CSMD1: variants seen among roughly 807,000 people sequenced by gnomAD.
The protein encoded by CSMD1 is CUB and sushi domain-containing protein 1.
CSMD1 carries 213 observed loss-of-function variants against 417.5 expected under a neutral mutation model. The observed-to-expected ratio is 0.51, with a 90% CI of 0.46 to 0.57. CSMD1 has a LOEUF of 0.57. CSMD1 is among the 20% of genes least tolerant of loss of function. The pLI is 0.00. For synonymous variants in CSMD1, 2,862 were observed against 1,736.8 expected (o/e 1.65, Z -16.11); for missense variants, 6,923 against 4,529.7 (o/e 1.53, Z -15.17).
chr8:3,441,113 G>C (rs1218587903), intron 12 of CSMD1, among the ~76,000 whole-genome samples: 2 of 152,140 alleles, frequency 1.3e-5, no homozygotes, highest in Non-Finnish European at 2.9e-5. Context: ...GACAGAGGTA[G>C]GAGTTCCAGC....
intron 5 of CSMD1, among the ~76,000 whole-genome samples, chr8:3,919,213 A>C (rs1352358654): frequency 6.8e-6 from 1 of 147,818 alleles, no homozygotes; most frequent in African/African-American, 2.5e-5. Flanking sequence ...AAAAAAAAGA[A>C]AGAAATCATT....
At chr8:4,083,248 T>C (rs1337355460) in intron 3 of CSMD1, among the ~76,000 whole-genome samples, 3 of 152,130 alleles carry the variant, frequency 2.0e-5, no homozygotes, top group Non-Finnish European at 4.4e-5. Context: ...AAAAGTGTTC[T>C]TATTTCTCCA....
chr8:4,004,160 A>G (rs1238988721), intron 4 of CSMD1, among the ~76,000 whole-genome samples: 2 of 152,098 alleles, frequency 1.3e-5, no homozygotes, highest in African/African-American at 4.8e-5. Context: ...AAATATAAAC[A>G]TTTTAATATA....
intron 2 of CSMD1, among the ~76,000 whole-genome samples, chr8:4,457,123 A>G (rs1366428154): frequency 6.6e-6 from 1 of 152,110 alleles, no homozygotes. Flanking sequence ...TCTTACTGTG[A>G]AAGAGTTATT....
intron 19 of CSMD1, among the ~76,000 whole-genome samples, chr8:3,368,018 T>C (rs1163841884): frequency 1.3e-5 from 2 of 152,212 alleles, no homozygotes; most frequent in African/African-American, 4.8e-5. Context: ...CCGTAAAGCA[T>C]ATGACCTCAT....
chr8:3,444,104 A>G (rs1164981061), intron 12 of CSMD1, among the ~76,000 whole-genome samples: 3 of 152,024 alleles, frequency 2.0e-5, no homozygotes, highest in Non-Finnish European at 2.9e-5. Context: ...CTCACTCCCT[A>G]TCGAGTGAAA....
Position 3,868,367 on chromosome 8 carries a change from G to C in CSMD1, c.819-114325C>G, listed in dbSNP as rs1470982053. 2.6e-5 allele frequency among the ~76,000 whole-genome samples: 4 copies of C among 152,044 alleles called. No homozygotes were observed. In the South Asian group the frequency reaches 6.2e-4, roughly 24 times the overall value. On this transcript the variant is annotated intron_variant, in intron 5 of 69. Transcript: ENST00000635120. ...TCCTTTCTCCCTAAAGTCTCCAGTA[G>C]TGCCATCTGCAGGCCACAGGTCCCT...
chr8:3,668,671 T>A (rs1373393886), intron 7 of CSMD1, among the ~76,000 whole-genome samples: 1 of 152,018 alleles, frequency 6.6e-6, no homozygotes, highest in Admixed American at 6.6e-5. Flanking sequence ...GTCTGAGGTG[T>A]CCAGAGATCA....
chr8:3,731,788 T>G (rs1057203413), intron 6 of CSMD1, among the ~76,000 whole-genome samples: 1 of 152,154 alleles, frequency 6.6e-6, no homozygotes, highest in African/African-American at 2.4e-5. Context: ...CATTAAGTGC[T>G]TATGTTTTGG....
chr8:3,620,979 G>A (rs1796201639), intron 7 of CSMD1, among the ~76,000 whole-genome samples: 2 of 152,140 alleles, frequency 1.3e-5, no homozygotes, highest in African/African-American at 4.8e-5. Flanking sequence ...AACTTAAAGT[G>A]TCATCCTTAA....
chr8:4,898,307 C>T (rs935464987), intron 1 of CSMD1, among the ~76,000 whole-genome samples: 1 of 152,074 alleles, frequency 6.6e-6, no homozygotes, highest in African/African-American at 2.4e-5. Context: ...TTCCAAGACA[C>T]CTGTCATCTT....
At chr8:4,834,757 C>T (rs1800359748) in intron 1 of CSMD1, among the ~76,000 whole-genome samples, 1 of 151,290 alleles carries the variant, frequency 6.6e-6, no homozygotes. Context: ...GAGATCGAGA[C>T]CATCCTGGCT....
chr8:3,419,182 T>A (rs1459084031), intron 12 of CSMD1, among the ~76,000 whole-genome samples: 2 of 152,178 alleles, frequency 1.3e-5, no homozygotes, highest in South Asian at 2.1e-4. Context: ...CTTTTTGCCT[T>A]ATCAAGTAAC....
chr8:3,085,465 A>T (rs1469763577), intron 49 of CSMD1, among the ~76,000 whole-genome samples: 1 of 152,190 alleles, frequency 6.6e-6, no homozygotes, highest in Non-Finnish European at 1.5e-5. Flanking sequence ...TTCTTCCAAA[A>T]CATGGTGTGC....
chr8:4,933,541 T>C (rs1000384777), intron 1 of CSMD1, among the ~76,000 whole-genome samples: 2 of 152,180 alleles, frequency 1.3e-5, no homozygotes, highest in Non-Finnish European at 2.9e-5. Flanking sequence ...AGAAAAATAC[T>C]TTCGAAAAGT....
At chr8:2,962,694 C>T (rs909882743) in intron 60 of CSMD1, 55 bp from the exon 61 acceptor site, 2 of 1,540,768 alleles carry the variant, frequency 1.3e-6, no homozygotes, top group African/African-American at 1.4e-5. Context: ...ATCAGCTTCA[C>T]CAATTGAGCT....
intron 6 of CSMD1, among the ~76,000 whole-genome samples, chr8:3,743,419 G>A (rs1419143827): frequency 6.6e-6 from 1 of 152,148 alleles, no homozygotes; most frequent in Admixed American, 6.5e-5. Context: ...ACATTAGGAT[G>A]GTGTTAGAAA....
intron 5 of CSMD1, among the ~76,000 whole-genome samples, chr8:3,898,797 C>A (rs1247987627): frequency 6.6e-6 from 1 of 152,180 alleles, no homozygotes; most frequent in Non-Finnish European, 1.5e-5. Flanking sequence ...ACATTAACAT[C>A]TTCCCTAAAT....
intron 6 of CSMD1, among the ~76,000 whole-genome samples, chr8:3,737,615 G>C (rs1367513901): frequency 1.3e-5 from 2 of 152,102 alleles, no homozygotes; most frequent in Admixed American, 6.6e-5. Context: ...CACCCTCTCA[G>C]TTACTAAGCT....
Sources: gnomAD v4.1 joint callset for allele counts (sites outside exome capture counted in the v4.1 genomes callset) on GRCh38, gnomAD v4.1.1 for gene constraint, MANE v1.5 for transcripts, NCBI Gene and HGNC (gene_info 2026-07-23, HGNC 2026-07-21) for gene names.